The following SYNE3 variants were observed in gnomAD, a reference collection of about 807,000 sequenced individuals.
SYNE3 encodes the protein nesprin-3.
A neutral mutation model predicts 111.2 loss-of-function variants in SYNE3; 100 were observed. The ratio of observed to expected loss-of-function variants is 0.90; its 90% CI spans 0.77 to 1.06. The LOEUF (loss-of-function observed/expected upper bound fraction) is 1.06. SYNE3 is among the 50% of genes least tolerant of loss of function. The pLI, the probability that SYNE3 is intolerant of heterozygous loss-of-function variation, is 0.00. For missense variants in SYNE3, 1,160 were observed against 1,240.3 expected, an observed-to-expected ratio of 0.94 and a Z score of 0.97; for synonymous variants, 547 against 533.9, an observed-to-expected ratio of 1.02 and a Z score of -0.34.
chr14:95,498,090 A>G (rs1047317797), intron 1 of SYNE3, among the ~76,000 whole-genome samples: 1 of 152,086 alleles, frequency 6.6e-6, no homozygotes, highest in African/African-American at 2.4e-5. Context: ...GTACATTTCT[A>G]AGATTTCAAT....
At chr14:95,505,720 C>T (rs1890504224) in intron 1 of SYNE3, among the ~76,000 whole-genome samples, 1 of 150,552 alleles carries the variant, frequency 6.6e-6, no homozygotes, top group South Asian at 2.1e-4. Context: ...AATAAAAAAA[C>T]AGGGTCAGGA....
chr14:95,425,734 A>G (rs1885394349), intron 17 of SYNE3, among the ~76,000 whole-genome samples: 2 of 152,234 alleles, frequency 1.3e-5, no homozygotes, highest in African/African-American at 4.8e-5. Context: ...CATTCTGCTC[A>G]ATTTTTCTAT....
intron 1 of SYNE3, among the ~76,000 whole-genome samples, chr14:95,493,802 A>G (rs1391929436): frequency 1.3e-5 from 2 of 152,248 alleles, no homozygotes; most frequent in Non-Finnish European, 2.9e-5. Flanking sequence ...CCAACAGCCC[A>G]TCATTTGGTG....
intron 17 of SYNE3, among the ~76,000 whole-genome samples, chr14:95,426,239 C>T (rs941907062): frequency 1.3e-5 from 2 of 151,980 alleles, no homozygotes; most frequent in African/African-American, 4.8e-5. Flanking sequence ...GACGGAGTGG[C>T]GAGGCCGTGG....
chr14:95,408,542 C>T lies in SYNE3; in HGVS notation c.*9284G>A, dbSNP rs191773542. ...AAACTCTGGACTTTGGGTAAAACGT[C>T]CTGAGCCCGATGTGGTCTCCCTGGC... On this transcript the variant is annotated 3_prime_UTR_variant, in exon 18 of 18. Coordinates refer to ENST00000682763, the MANE Select transcript of SYNE3 (RefSeq NM_152592.6). 412 of 153,736 alleles carry T rather than the reference C, an allele frequency of 2.7e-3. 3 individuals carry two copies. Among genetic ancestry groups the T allele is most frequent in the Non-Finnish European group, 4.5e-3 (313 of 69,060 alleles). The allele number at this position is 153,736 out of a possible 1,614,324, so 9.5% of individuals were successfully genotyped here. A position where few individuals can be genotyped will look rare whatever the true frequency, so the allele number is the denominator to read the frequency against.
At chr14:95,511,820 C>G (rs904789143) in intron 1 of SYNE3, among the ~76,000 whole-genome samples, 1 of 152,164 alleles carries the variant, frequency 6.6e-6, no homozygotes, top group African/African-American at 2.4e-5. Flanking sequence ...TAAGGAGGAG[C>G]CTTGTGACCC....
At chr14:95,449,743 C>T in intron 8 of SYNE3, 188 bp downstream of exon 8, 2 of 966,996 alleles carry the variant, frequency 2.1e-6, no homozygotes, top group Non-Finnish European at 2.5e-6. Flanking sequence ...GCCGAGCTGA[C>T]CTTTGTCAGT....
chr14:95,455,928 T>C (rs1377050882), intron 5 of SYNE3: 3 of 530,826 alleles, frequency 5.7e-6, no homozygotes, highest in East Asian at 5.7e-5. Context: ...TCCTTCCCCA[T>C]AAGTCTTTTT....
intron 2 of SYNE3, among the ~76,000 whole-genome samples, chr14:95,468,935 G>A (rs772898795): frequency 6.6e-6 from 1 of 152,084 alleles, no homozygotes; most frequent in East Asian, 1.9e-4. Context: ...CCAATCCCAG[G>A]GCCACTCCTT....
intron 4 of SYNE3, among the ~76,000 whole-genome samples, chr14:95,459,813 C>T (rs1377960331): frequency 6.6e-6 from 1 of 152,016 alleles, no homozygotes; most frequent in African/African-American, 2.4e-5. Flanking sequence ...GAAGTTCTCT[C>T]AAGGCTGGGC....
At chr14:95,474,362 T>G (rs1888748975) in intron 2 of SYNE3, among the ~76,000 whole-genome samples, 1 of 152,196 alleles carries the variant, frequency 6.6e-6, no homozygotes, top group South Asian at 2.1e-4. Flanking sequence ...TTGCCCTGAT[T>G]GTTTGCATAC....
intron 1 of SYNE3, among the ~76,000 whole-genome samples, chr14:95,479,304 C>T (rs1889087571): frequency 6.6e-6 from 1 of 150,498 alleles, no homozygotes; most frequent in Non-Finnish European, 1.5e-5. Context: ...CGGCATTGAG[C>T]TATGATGGTA....
At chr14:95,478,917 G>A (rs1476329241) in intron 1 of SYNE3, among the ~76,000 whole-genome samples, 1 of 152,028 alleles carries the variant, frequency 6.6e-6, no homozygotes, top group Non-Finnish European at 1.5e-5. Context: ...AAGCTAGCTG[G>A]CTAAGTGACC....
At chr14:95,488,415 C>T (rs550336998) in intron 1 of SYNE3, among the ~76,000 whole-genome samples, 41 of 152,256 alleles carry the variant, frequency 2.7e-4, no homozygotes, top group Middle Eastern at 3.4e-3. Context: ...CATGCACCCA[C>T]GGATGGATAG....
chr14:95,429,352 C>T (rs113242066), intron 17 of SYNE3, among the ~76,000 whole-genome samples: 94 of 152,272 alleles, frequency 6.2e-4, no homozygotes, highest in Middle Eastern at 3.4e-3. Context: ...AGGTCACACA[C>T]GCTAATGGTG....
chr14:95,513,118 G>A (rs179153), intron 1 of SYNE3, among the ~76,000 whole-genome samples: 119,992 of 152,120 alleles, frequency 0.79, 48,144 homozygotes, highest in African/African-American at 0.88. Context: ...TAATTAGCCA[G>A]TAACTACAAA....
rs1335646886 is a variant in SYNE3 at position 95,439,897 on chromosome 14, G to A, written c.2073+17C>T. Reference sequence around the variant, plus strand: ...GGCTGCTTCTTTGGGAAGTGGGTGAGGGAACCACCGCCTTACCTCAAACTC... The same window carrying A: ...GGCTGCTTCTTTGGGAAGTGGGTGAAGGAACCACCGCCTTACCTCAAACTC... On this transcript the variant is annotated intron_variant, in intron 12 of 17. Coordinates refer to ENST00000682763, the MANE Select transcript of SYNE3 (RefSeq NM_152592.6). 1.2e-6 allele frequency: 2 copies of A among 1,606,350 alleles called. No homozygotes were observed. Among genetic ancestry groups the A allele is most frequent in the African/African-American group, 1.3e-5 (1 of 74,948 alleles).
chr14:95,463,046 C>T (rs1353094800), intron 4 of SYNE3, among the ~76,000 whole-genome samples: 1 of 152,094 alleles, frequency 6.6e-6, no homozygotes, highest in Non-Finnish European at 1.5e-5. Flanking sequence ...ATGCCAGCTA[C>T]TCGGGAGGCT....
At chr14:95,464,345 C>T (rs1888027732) in intron 4 of SYNE3, among the ~76,000 whole-genome samples, 1 of 152,172 alleles carries the variant, frequency 6.6e-6, no homozygotes, top group Non-Finnish European at 1.5e-5. Context: ...GGGTTTAATG[C>T]TCAGGCTGGA....
Sources: gnomAD v4.1 joint callset for allele counts (sites outside exome capture counted in the v4.1 genomes callset) on GRCh38, gnomAD v4.1.1 for gene constraint, MANE v1.5 for transcripts, NCBI Gene and HGNC (gene_info 2026-07-23, HGNC 2026-07-21) for gene names.